ANO10: variants seen among roughly 807,000 people sequenced by gnomAD.
The protein encoded by ANO10 is anoctamin-10.
In ANO10, 77 loss-of-function variants were observed where a neutral mutation model predicts 74.7. The ratio of observed to expected loss-of-function variants is 1.03; its 90% CI spans 0.86 to 1.25. The LOEUF is 1.25. Among genes scored for constraint, ANO10 ranks in the 50% most tolerant of loss-of-function variants. ANO10 has a pLI of 0.00. For synonymous variants in ANO10, 279 were observed against 284.9 expected (o/e 0.98, Z 0.21); for missense variants, 721 against 778.1 (o/e 0.93, Z 0.87).
At chr3:43,490,732 G>A (rs940933626) in intron 11 of ANO10, among the ~76,000 whole-genome samples, 1 of 152,198 alleles carries the variant, frequency 6.6e-6, no homozygotes, top group South Asian at 2.1e-4. Flanking sequence ...ATAGAACCCA[G>A]AAGTGAATTT....
chr3:43,664,157 A>C (rs1444193859), intron 1 of ANO10, among the ~76,000 whole-genome samples: 1 of 152,000 alleles, frequency 6.6e-6, no homozygotes, highest in African/African-American at 2.4e-5. Context: ...TAACCAAAAC[A>C]GCATGGTATT....
intron 1 of ANO10, among the ~76,000 whole-genome samples, chr3:43,621,522 C>T (rs565649760): frequency 3.9e-5 from 6 of 152,234 alleles, no homozygotes; most frequent in South Asian, 2.1e-4. Flanking sequence ...CCGCCGACCA[C>T]CCCACTCACT....
chr3:43,682,687 TA>T (rs1240544468), intron 1 of ANO10, among the ~76,000 whole-genome samples: 27 of 152,274 alleles, frequency 1.8e-4, no homozygotes, highest in African/African-American at 5.8e-4. Flanking sequence ...CTCAATAAAA[TA>T]CTGGCAAACC....
At chr3:43,600,853 G>A (rs992943680) in intron 2 of ANO10, among the ~76,000 whole-genome samples, 1 of 151,962 alleles carries the variant, frequency 6.6e-6, no homozygotes, top group South Asian at 2.1e-4. Flanking sequence ...CAATATTTCC[G>A]AGCTCTAGGT....
chr3:43,594,660 GA>G (rs1349827679), intron 4 of ANO10, among the ~76,000 whole-genome samples: 2 of 152,038 alleles, frequency 1.3e-5, no homozygotes, highest in Admixed American at 6.6e-5. Context: ...GAGAAAGCAG[GA>G]AAAGATCTAA....
intron 4 of ANO10, among the ~76,000 whole-genome samples, chr3:43,594,153 A>G (rs997060562): frequency 2.0e-5 from 3 of 152,156 alleles, no homozygotes; most frequent in African/African-American, 7.2e-5. Context: ...CTCCCACACA[A>G]TAATAATGGG....
chr3:43,586,277 G>C (rs2081477472), intron 4 of ANO10, among the ~76,000 whole-genome samples: 1 of 152,144 alleles, frequency 6.6e-6, no homozygotes, highest in Non-Finnish European at 1.5e-5. Flanking sequence ...CCAAAGGATG[G>C]AAGGTAACTA....
chr3:43,690,823 G>A lies in ANO10; in HGVS notation c.-12+694C>T, dbSNP rs182329157. 1.5e-3 allele frequency: 805 copies of A among 554,752 alleles called. 11 individuals carry two copies. Among genetic ancestry groups the A allele is most frequent in the African/African-American group, 0.014 (703 of 50,418 alleles). 34.4% of individuals were successfully genotyped at this position (554,752 alleles called of 1,614,324 possible). Reference sequence around the variant, plus strand: ...TGGGGATGGCGGACGCAAAGCCGGAGGCAAGGCCGCGCACGCGCAAACGCG... The same window carrying A: ...TGGGGATGGCGGACGCAAAGCCGGAAGCAAGGCCGCGCACGCGCAAACGCG... On this transcript the variant is annotated intron_variant, in intron 1 of 3. Coordinates refer to the ANO10 transcript ENST00000413397.
intron 1 of ANO10, among the ~76,000 whole-genome samples, chr3:43,675,392 T>C (rs2084110287): frequency 6.6e-6 from 1 of 152,110 alleles, no homozygotes; most frequent in African/African-American, 2.4e-5. Context: ...TAGGATTTTA[T>C]CAAATTAAAA....
chr3:43,389,968 T>C (rs1323588125), intron 12 of ANO10, among the ~76,000 whole-genome samples: 1 of 152,132 alleles, frequency 6.6e-6, no homozygotes, highest in Admixed American at 6.5e-5. Context: ...CTTGACTCAA[T>C]GAGAGGACAA....
At chr3:43,520,360 G>A (rs2077896599) in intron 11 of ANO10, among the ~76,000 whole-genome samples, 1 of 152,164 alleles carries the variant, frequency 6.6e-6, no homozygotes, top group Non-Finnish European at 1.5e-5. Context: ...CAAGATTAAG[G>A]TGCTGGCAAA....
chr3:43,667,995 C>CT (rs2149576043), intron 1 of ANO10, among the ~76,000 whole-genome samples: 1 of 152,250 alleles, frequency 6.6e-6, no homozygotes, highest in South Asian at 2.1e-4. Flanking sequence ...TCTTTTAGTT[C>CT]TTTAAGGAAT....
At chr3:43,559,783 T>G (rs541360274) in intron 9 of ANO10, among the ~76,000 whole-genome samples, 1 of 152,170 alleles carries the variant, frequency 6.6e-6, no homozygotes, top group Admixed American at 6.5e-5. Context: ...TTTTATCCCA[T>G]AGTAAAATGA....
At chr3:43,523,431 T>C (rs1390154067) in intron 11 of ANO10, among the ~76,000 whole-genome samples, 13 of 152,204 alleles carry the variant, frequency 8.5e-5, no homozygotes, top group Admixed American at 8.5e-4. Context: ...ATAATCATTT[T>C]AGCAGCAGAA....
intron 11 of ANO10, among the ~76,000 whole-genome samples, chr3:43,481,137 T>C (rs943746468): frequency 1.3e-5 from 2 of 151,906 alleles, no homozygotes; most frequent in Admixed American, 1.3e-4. Context: ...TATTTAGAAA[T>C]ATAGAGGTAA....
intron 1 of ANO10, among the ~76,000 whole-genome samples, chr3:43,677,076 C>T (rs377490189): frequency 1.1e-4 from 17 of 152,250 alleles, no homozygotes; most frequent in African/African-American, 3.6e-4. Context: ...AGCAAAGACA[C>T]GGAATGAACC....
intron 10 of ANO10, among the ~76,000 whole-genome samples, chr3:43,552,995 T>C (rs899986808): frequency 1.3e-5 from 2 of 152,028 alleles, no homozygotes; most frequent in African/African-American, 4.8e-5. Flanking sequence ...GGTTTCACCA[T>C]GTTGGTCAGG....
Position 43,574,790 on chromosome 3 carries a change from A to C in ANO10, c.1218+19T>G, listed in dbSNP as rs1388418629. ...TACCAGTTTCATAAAATGGATTTGT[A>C]CATAAACGCTGTACTTACCACTAAA... is the stretch of plus-strand genomic sequence containing the variant. On this transcript the variant is annotated intron_variant, in intron 7 of 12. Transcript: ENST00000292246. The C allele has an allele frequency of 3.1e-6, 5 of 1,602,294 alleles. No homozygotes were observed. Among genetic ancestry groups the C allele is most frequent in the Non-Finnish European group, 4.3e-6 (5 of 1,169,436 alleles).
intron 11 of ANO10, among the ~76,000 whole-genome samples, chr3:43,508,515 T>C (rs1193106163): frequency 6.6e-6 from 1 of 152,190 alleles, no homozygotes; most frequent in Non-Finnish European, 1.5e-5. Context: ...TGCAGCACTA[T>C]TCACAATAGC....
Sources: allele counts gnomAD v4.1 joint callset (sites outside exome capture counted in the v4.1 genomes callset), GRCh38; gene constraint gnomAD v4.1.1; transcripts MANE v1.5; gene names NCBI Gene and HGNC (gene_info 2026-07-23, HGNC 2026-07-21).